The following CAPZB variants were observed in gnomAD, a reference collection of about 807,000 sequenced individuals.
CAPZB encodes the protein capping actin protein of muscle Z-line subunit beta.
Under a neutral mutation model 38.1 loss-of-function variants are expected in CAPZB, and 2 were observed. The ratio of observed to expected loss-of-function variants is 0.05; its 90% CI spans 0.02 to 0.17. The LOEUF (loss-of-function observed/expected upper bound fraction) is 0.17, where lower values mean the gene tolerates loss of function less well. Among genes scored for constraint, CAPZB ranks in the 10% least tolerant of loss-of-function variants. The pLI is 1.00. For missense variants in CAPZB, 161 were observed against 334.2 expected (o/e 0.48, Z 4.04); for synonymous variants, 107 against 127.4 (o/e 0.84, Z 1.08).
chr1:19,454,046 A>G (rs975528378), intron 1 of CAPZB, among the ~76,000 whole-genome samples: 6 of 152,090 alleles, frequency 3.9e-5, no homozygotes, highest in African/African-American at 1.4e-4. Context: ...AAGGCTACAG[A>G]CTCATCCCCC....
chr1:19,429,982 C>A (rs1056700344), intron 1 of CAPZB, among the ~76,000 whole-genome samples: 9 of 152,164 alleles, frequency 5.9e-5, no homozygotes, highest in African/African-American at 1.7e-4. Flanking sequence ...CTTTGTTTTC[C>A]TGCACTCTAG....
At chr1:19,430,716 G>A (rs572408672) in intron 1 of CAPZB, among the ~76,000 whole-genome samples, 14 of 151,960 alleles carry the variant, frequency 9.2e-5, no homozygotes, top group Non-Finnish European at 1.9e-4. Context: ...CCGCCCACCC[G>A]CACCCGCACC....
At chr1:19,383,042 G>A (rs555541031) in intron 3 of CAPZB, among the ~76,000 whole-genome samples, 1 of 150,630 alleles carries the variant, frequency 6.6e-6, no homozygotes, top group East Asian at 1.9e-4. Flanking sequence ...AATTTGGGAA[G>A]CTGAAGTGGG....
At chr1:19,441,116 A>C (rs1484067483) in intron 1 of CAPZB, among the ~76,000 whole-genome samples, 5 of 152,220 alleles carry the variant, frequency 3.3e-5, no homozygotes, top group Admixed American at 2.6e-4. Flanking sequence ...AACCTTATGC[A>C]GAAAGTCCAC....
chr1:19,447,987 C>A (rs1050766737), intron 1 of CAPZB, among the ~76,000 whole-genome samples: 1 of 152,160 alleles, frequency 6.6e-6, no homozygotes. Flanking sequence ...GAAAAGAGGG[C>A]GGAGGGAGGG....
At chr1:19,482,702 A>AT (rs1321478457) in intron 1 of CAPZB, among the ~76,000 whole-genome samples, 1 of 152,226 alleles carries the variant, frequency 6.6e-6, no homozygotes, top group Non-Finnish European at 1.5e-5. Context: ...TGCATTTTAG[A>AT]TTCTCAAGTC....
intron 1 of CAPZB, among the ~76,000 whole-genome samples, chr1:19,462,825 A>G (rs1466186241): frequency 1.3e-5 from 2 of 152,194 alleles, no homozygotes; most frequent in Non-Finnish European, 2.9e-5. Context: ...GATAATTTCA[A>G]TTTATCAAAT....
Position 19,464,020 on chromosome 1 carries a change from C to CAA in CAPZB, c.3+21414_3+21415dup, listed in dbSNP as rs35097598. Among the ~76,000 whole-genome samples the CAA allele has an allele frequency of 0.011, 1,348 of 124,598 alleles. 55 individuals are homozygous for CAA. In the East Asian group the frequency reaches 0.13, roughly 12 times the overall value. The allele number at this position is 124,598 out of a possible 152,430, so 81.7% of individuals were successfully genotyped here. On this transcript the variant is annotated intron_variant, in intron 1 of 8. Transcript: ENST00000264202. ...TGAACCCCTATCTCTACTAAAAATA[C>CAA]AAAAAAAAAAAAAAAAATTAGCTGG... is the stretch of plus-strand genomic sequence containing the variant.
intron 2 of CAPZB, chr1:19,385,873 C>T (rs1297832032): frequency 3.3e-6 from 2 of 603,140 alleles, no homozygotes; most frequent in Non-Finnish European, 6.3e-6. Flanking sequence ...CTTCCAAAAA[C>T]TGTGTGCAGC....
intron 1 of CAPZB, among the ~76,000 whole-genome samples, chr1:19,468,884 G>A (rs747342951): frequency 1.3e-5 from 2 of 152,132 alleles, no homozygotes; most frequent in African/African-American, 2.4e-5. Flanking sequence ...TCGGTCCCCT[G>A]GGACCCGTGC....
At chr1:19,399,619 TGA>T (rs2094292271) in intron 2 of CAPZB, among the ~76,000 whole-genome samples, 2 of 152,144 alleles carry the variant, frequency 1.3e-5, no homozygotes, top group Non-Finnish European at 2.9e-5. Context: ...GATGGTTCTC[TGA>T]GAGAGGAGCA....
intron 4 of CAPZB, among the ~76,000 whole-genome samples, chr1:19,362,856 G>A (rs1409944966): frequency 1.3e-5 from 2 of 152,132 alleles, no homozygotes; most frequent in Non-Finnish European, 2.9e-5. Context: ...AAAGACTGCA[G>A]AGAAGTCAAC....
intron 6 of CAPZB, among the ~76,000 whole-genome samples, chr1:19,348,763 G>A (rs77620107): frequency 3.6e-5 from 5 of 138,076 alleles, no homozygotes; most frequent in African/African-American, 5.5e-5. Context: ...CTGACAAGGG[G>A]GGGGGGCGGT....
chr1:19,359,208 CTCTTTTTT>C (rs1558183743), intron 4 of CAPZB, among the ~76,000 whole-genome samples: 5 of 94,532 alleles, frequency 5.3e-5, no homozygotes, highest in South Asian at 4.0e-4. Flanking sequence ...ATTCTCTGTA[CTCTTTTTT>C]TTTTTTTTTT....
At chr1:19,341,483 T>C (rs550973600) in intron 8 of CAPZB, among the ~76,000 whole-genome samples, 8 of 152,198 alleles carry the variant, frequency 5.3e-5, no homozygotes, top group Admixed American at 6.5e-5. Context: ...CACAGGAAGT[T>C]AGAAGTGAAA....
intron 1 of CAPZB, among the ~76,000 whole-genome samples, chr1:19,437,546 C>G (rs12042004): frequency 0.28 from 41,932 of 152,046 alleles, 6,677 homozygotes; most frequent in Middle Eastern, 0.38. Flanking sequence ...CCGCTAGCCT[C>G]GAAAGCCTGT....
chr1:19,474,114 G>A (rs2094598969), intron 1 of CAPZB, among the ~76,000 whole-genome samples: 1 of 151,786 alleles, frequency 6.6e-6, no homozygotes, highest in South Asian at 2.1e-4. Flanking sequence ...TCCCACCTCA[G>A]CCTCCCAAGC....
intron 1 of CAPZB, among the ~76,000 whole-genome samples, chr1:19,435,543 G>A (rs1193547132): frequency 4.6e-5 from 7 of 152,178 alleles, no homozygotes; most frequent in South Asian, 2.1e-4. Flanking sequence ...CACGGCAGGC[G>A]CTGACTTAGG....
intron 2 of CAPZB, 138 bp from the exon 3 acceptor site, chr1:19,385,764 G>A: frequency 2.1e-6 from 2 of 966,858 alleles, no homozygotes; most frequent in Non-Finnish European, 3.4e-6. Context: ...TTATGGGCCT[G>A]TTCTTTTCTT....
Sources: allele counts gnomAD v4.1 joint callset (sites outside exome capture counted in the v4.1 genomes callset), GRCh38; gene constraint gnomAD v4.1.1; transcripts MANE v1.5; gene names NCBI Gene and HGNC (gene_info 2026-07-23, HGNC 2026-07-21).